The following CD1B variants were observed in gnomAD, a reference collection of about 807,000 sequenced individuals.
The protein encoded by CD1B is CD1b molecule, also known as T-cell surface glycoprotein CD1b.
Under a neutral mutation model 39.8 loss-of-function variants are expected in CD1B, and 43 were observed. That is an observed-to-expected ratio of 1.08 (90% CI 0.85 to 1.39). The LOEUF is 1.39. CD1B is among the 40% of genes most tolerant of loss of function. CD1B has a pLI of 0.00. For missense variants in CD1B, 495 were observed against 403.8 expected (o/e 1.23, Z -1.94); for synonymous variants, 192 against 152.5 (o/e 1.26, Z -1.91).
chr1:158,309,248 C>T, the CD1B span, among the ~76,000 whole-genome samples: 2 of 152,226 alleles, frequency 1.3e-5, no homozygotes, highest in South Asian at 2.1e-4. Flanking sequence ...TCATCACTGG[C>T]CATCAGAGAA....
chr1:158,289,953 G>A, the CD1B span: 2 of 921,938 alleles, frequency 2.2e-6, no homozygotes, highest in Non-Finnish European at 3.4e-6. Flanking sequence ...AGCGGCTGAT[G>A]GGGAAGATTG....
intron 4 of CD1B, 51 bp downstream of exon 4, chr1:158,329,319 C>A (rs747234796): frequency 6.3e-7 from 1 of 1,577,308 alleles, no homozygotes. Context: ...TCCCTCTATG[C>A]CTGAAGATCA....
At chr1:158,313,583 T>C in the CD1B span, among the ~76,000 whole-genome samples, 3 of 152,214 alleles carry the variant, frequency 2.0e-5, no homozygotes, top group Admixed American at 6.5e-5. Flanking sequence ...GTGCTAGGAT[T>C]ACAGGCATGA....
the CD1B span, among the ~76,000 whole-genome samples, chr1:158,302,052 T>A: frequency 6.6e-6 from 1 of 152,100 alleles, no homozygotes; most frequent in Non-Finnish European, 1.5e-5. Context: ...GAAGTCGCAA[T>A]TTTCAACACA....
chr1:158,303,746 TA>T, the CD1B span, among the ~76,000 whole-genome samples: 4 of 152,224 alleles, frequency 2.6e-5, no homozygotes, highest in African/African-American at 9.6e-5. Context: ...ACAAGAATTA[TA>T]AAGCACTGCT....
chr1:158,309,334 A>T, the CD1B span, among the ~76,000 whole-genome samples: 19 of 152,114 alleles, frequency 1.2e-4, no homozygotes, highest in African/African-American at 4.6e-4. Flanking sequence ...AGGAAACAAG[A>T]GGTGTGGAGA....
the CD1B span, among the ~76,000 whole-genome samples, chr1:158,318,983 A>C: frequency 9.2e-5 from 14 of 151,992 alleles, no homozygotes; most frequent in African/African-American, 2.7e-4. Context: ...AGAATGTTGA[A>C]TATTGGCCCC....
rs774040393 is a variant in CD1B at position 158,331,326 on chromosome 1, C to T, written c.61+37G>A. The T allele has an allele frequency of 8.8e-6, 14 of 1,593,628 alleles. No individual in the cohort carries two copies. In the Admixed American group the frequency reaches 2.2e-4, roughly 25 times the overall value. On this transcript the variant is annotated intron_variant, in intron 1 of 5. Coordinates refer to ENST00000368168, the MANE Select transcript of CD1B (RefSeq NM_001764.3). ...TGCTTGCTTTTTAAAATCCAAACCC[C>T]TGCACCAGTGCTGGGAGCTGCCAGA...
chr1:158,306,521 C>T, the CD1B span, among the ~76,000 whole-genome samples: 4 of 152,068 alleles, frequency 2.6e-5, no homozygotes, highest in South Asian at 2.1e-4. Context: ...GACAGGTCAA[C>T]GAGACAGAAA....
At chr1:158,292,296 A>G in the CD1B span, 6 of 1,603,964 alleles carry the variant, frequency 3.7e-6, no homozygotes. Context: ...GTATAATCTC[A>G]TAAGAAGCAC....
the CD1B span, among the ~76,000 whole-genome samples, chr1:158,306,995 A>C: frequency 6.6e-6 from 1 of 152,348 alleles, no homozygotes; most frequent in African/African-American, 2.4e-5. Flanking sequence ...TCTAAAATTG[A>C]CACCATAACA....
intron 2 of CD1B, chr1:158,330,444 G>C: frequency 1.8e-6 from 1 of 556,358 alleles, no homozygotes; most frequent in East Asian, 3.2e-5. Flanking sequence ...AGGGTGCGGG[G>C]AGGAGATGAT....
the CD1B span, chr1:158,292,896 G>A: frequency 2.5e-6 from 4 of 1,610,756 alleles, no homozygotes; most frequent in South Asian, 2.2e-5. Context: ...GGTTGGAAGT[G>A]TAGGTAGGTG....
downstream of CD1B, among the ~76,000 whole-genome samples, chr1:158,326,862 T>C (rs1571183725): frequency 3.9e-5 from 6 of 152,142 alleles, no homozygotes; most frequent in African/African-American, 1.4e-4. Flanking sequence ...AGTGGCACAA[T>C]CTTGGCTCAC....
At chr1:158,318,384 T>C in the CD1B span, among the ~76,000 whole-genome samples, 1 of 152,210 alleles carries the variant, frequency 6.6e-6, no homozygotes, top group South Asian at 2.1e-4. Flanking sequence ...TAGTTAACTC[T>C]TCTTGTTGAA....
the CD1B span, among the ~76,000 whole-genome samples, chr1:158,305,292 C>T: frequency 2.6e-5 from 4 of 152,072 alleles, no homozygotes; most frequent in Non-Finnish European, 5.9e-5. Context: ...TGATGAATAA[C>T]AAGCCTCAGT....
chr1:158,285,860 G>A, the CD1B span, among the ~76,000 whole-genome samples: 1 of 152,130 alleles, frequency 6.6e-6, no homozygotes, highest in Admixed American at 6.5e-5. Context: ...TTCAATAAGA[G>A]TTGAGGAGGA....
the CD1B span, among the ~76,000 whole-genome samples, chr1:158,319,628 G>A: frequency 1.3e-5 from 2 of 152,182 alleles, no homozygotes; most frequent in Admixed American, 1.3e-4. Context: ...GTAGCTCAGA[G>A]TAATTTGATC....
Position 158,328,966 on chromosome 1 carries a change from G to A in CD1B, c.935C>T (p.Ser312Phe). The A allele has an allele frequency of 1.2e-6, 2 of 1,613,880 alleles. No individual in the cohort carries two copies. The highest frequency in any genetic ancestry group is 1.7e-6 in the Non-Finnish European group (2 of 1,179,922). Residue 312 changes from serine (S) to phenylalanine (F), a missense_variant, in exon 5 of 6, where the codon TCC becomes TTC. Transcript: ENST00000368168. The stretch of plus-strand genomic sequence containing the variant: ...TGCAAGGCATAGCAAAAGGAGCAAG[G>A]AAGGCACTATTATTGCCAAAACAAT... Reference protein sequence around the residue: ...GSIVLAIIVPSLLLLLCLALW... With the variant: ...GSIVLAIIVPFLLLLLCLALW...
Sources: allele counts gnomAD v4.1 joint callset (sites outside exome capture counted in the v4.1 genomes callset), GRCh38; gene constraint gnomAD v4.1.1; transcripts MANE v1.5; gene names NCBI Gene and HGNC (gene_info 2026-07-23, HGNC 2026-07-21).